The following EMC1 variants were observed in gnomAD, a reference collection of about 807,000 sequenced individuals.
EMC1 encodes KIAA0090.
In EMC1, 103 loss-of-function variants were observed where a neutral mutation model predicts 128.8. The ratio of observed to expected loss-of-function variants is 0.80; its 90% CI spans 0.68 to 0.94. The LOEUF is 0.94. EMC1 is among the 40% of genes least tolerant of loss of function. The pLI is 0.00. For missense variants in EMC1, 1,083 were observed against 1,250.6 expected (o/e 0.87, Z 2.02); for synonymous variants, 442 against 490.4 (o/e 0.90, Z 1.30).
At chr1:19,227,103 T>C (rs2093480778) in intron 18 of EMC1, among the ~76,000 whole-genome samples, 1 of 152,210 alleles carries the variant, frequency 6.6e-6, no homozygotes, top group Admixed American at 6.5e-5. Flanking sequence ...TGCTAGGCAC[T>C]GGGCTAGACA....
rs150389135 is a variant in EMC1, at chr1:19,232,621, C to T, written c.1782+3G>A. 33 of 1,613,990 alleles carry T rather than the reference C, an allele frequency of 2.0e-5. No individual in the cohort carries two copies. In the African/African-American group the frequency reaches 4.3e-4, roughly 21 times the overall value. On this transcript the variant is annotated splice_donor_region_variant and intron_variant, in intron 15 of 22. Transcript: ENST00000477853. ...TGGCTCAAGTCAGAGCTGGATGCCT[C>T]ACCTTGTCCTTCACCAGCAGGGTGC...
intron 1 of EMC1, among the ~76,000 whole-genome samples, chr1:19,246,476 A>T (rs1323401742): frequency 2.6e-5 from 4 of 152,096 alleles, no homozygotes; most frequent in Admixed American, 2.6e-4. Context: ...GGTGGGGGGA[A>T]CACTTATAAC....
At position 19,238,844 on chromosome 1, in the gene EMC1, CT is replaced by C; in HGVS notation, c.1039del (p.Ser347ValfsTer45). 6.2e-7 allele frequency: 1 copy of C among 1,606,386 alleles called. No individual in the cohort carries two copies. The highest frequency in any genetic ancestry group is 8.5e-7 in the Non-Finnish European group (1 of 1,173,260). On this transcript the variant is annotated frameshift_variant, in exon 10 of 23. Coordinates refer to ENST00000477853, the MANE Select transcript of EMC1 (RefSeq NM_015047.3). LOFTEE classifies it high-confidence loss of function. ...GCTCCCCATTGACCCATCTTCAGAACTGCTACTTTTCTGCTATGAGAAAGAG... is the reference window on the plus strand; with the variant it reads ...GCTCCCCATTGACCCATCTTCAGAACGCTACTTTTCTGCTATGAGAAAGAG... ...ACRNEVQKSS[S>X]SEDGSMGSFS...
At chr1:19,235,350 T>G in intron 12 of EMC1, 98 bp from the exon 13 acceptor site, 46 of 1,290,056 alleles carry the variant, frequency 3.6e-5, no homozygotes, top group Non-Finnish European at 4.3e-5. Flanking sequence ...GGTGAATCTC[T>G]TGAGCCCAGG....
At position 19,218,670 on chromosome 1, in the gene EMC1, T is replaced by G. The variant is rs1432073407; in HGVS notation, c.*633A>C. The G allele has an allele frequency of 6.6e-6, 1 of 152,322 alleles. No individual in the cohort carries two copies. The highest frequency in any genetic ancestry group is 1.5e-5 in the Non-Finnish European group (1 of 68,122). 9.4% of individuals were successfully genotyped at this position (152,322 alleles called of 1,614,324 possible). A position where few individuals can be genotyped will look rare whatever the true frequency, so the allele number is the denominator to read the frequency against. The stretch of plus-strand genomic sequence containing the variant: ...ACAAAGATTTGGTGGCCCAGCCTAA[T>G]AAATGACAGCACGAAACTAGAGGTT... On this transcript the variant is annotated 3_prime_UTR_variant, in exon 23 of 23. Transcript: ENST00000477853.
Position 19,219,194 on chromosome 1 carries a change from T to C in EMC1, c.*109A>G. 1 of 1,086,110 alleles carries C rather than the reference T, an allele frequency of 9.2e-7. No individual in the cohort carries two copies. Among genetic ancestry groups the C allele is most frequent in the East Asian group, 2.4e-5 (1 of 42,282 alleles). 67.3% of individuals were successfully genotyped at this position (1,086,110 alleles called of 1,614,324 possible). A position where few individuals can be genotyped will look rare whatever the true frequency, so the allele number is the denominator to read the frequency against. ...ATCCATCTTCCCTACAGTTCTTAGC[T>C]GAGCACTGACACACACACATACTCC... On this transcript the variant is annotated 3_prime_UTR_variant, in exon 23 of 23. Transcript: ENST00000477853.
At chr1:19,245,707 C>G (rs1443618885) in intron 1 of EMC1, among the ~76,000 whole-genome samples, 1 of 148,428 alleles carries the variant, frequency 6.7e-6, no homozygotes, top group Admixed American at 6.7e-5. Context: ...TCACTGCAAC[C>G]TCCACCTCCC....
At position 19,242,330 on chromosome 1, in the gene EMC1, A is replaced by G. The variant is rs778863632; in HGVS notation, c.509+15T>C. On this transcript the variant is annotated intron_variant, in intron 5 of 22. Coordinates refer to ENST00000477853, the MANE Select transcript of EMC1 (RefSeq NM_015047.3). ...TAGAACGAGGCAGCTATTGCCTGTGAGCAGGCAGCCTTACCTTTCTGGGAG... is the reference window on the plus strand; with the variant it reads ...TAGAACGAGGCAGCTATTGCCTGTGGGCAGGCAGCCTTACCTTTCTGGGAG... 6.2e-7 allele frequency: 1 copy of G among 1,613,594 alleles called. No individual in the cohort carries two copies. The highest frequency in any genetic ancestry group is 8.5e-7 in the Non-Finnish European group (1 of 1,179,504).
chr1:19,236,035 G>A (rs1447040249), intron 12 of EMC1, among the ~76,000 whole-genome samples: 2 of 151,754 alleles, frequency 1.3e-5, no homozygotes. Context: ...ATAGGTCAAA[G>A]GAGGAAAGTT....
chr1:19,247,321 A>G (rs1047552930), intron 1 of EMC1, among the ~76,000 whole-genome samples: 4 of 152,164 alleles, frequency 2.6e-5, no homozygotes, highest in Non-Finnish European at 5.9e-5. Flanking sequence ...TTTCAGGTGC[A>G]TGCCATTGTG....
At chr1:19,230,531 C>T (rs1239179445) in intron 17 of EMC1, among the ~76,000 whole-genome samples, 1 of 152,058 alleles carries the variant, frequency 6.6e-6, no homozygotes, top group Non-Finnish European at 1.5e-5. Flanking sequence ...GATCGCACCA[C>T]TGCACTCCAG....
chr1:19,230,072 G>A (rs920918198), intron 17 of EMC1, among the ~76,000 whole-genome samples: 8 of 152,302 alleles, frequency 5.3e-5, no homozygotes, highest in African/African-American at 2.4e-5. Flanking sequence ...CACAGCCAGC[G>A]TGTATTACTG....
intron 21 of EMC1, 75 bp downstream of exon 21, chr1:19,220,689 C>A: frequency 7.9e-7 from 1 of 1,259,096 alleles, no homozygotes; most frequent in Non-Finnish European, 1.1e-6. Context: ...CACACAGAGA[C>A]CAAGAACCAA....
rs376852884 is a variant in EMC1 at position 19,245,923 on chromosome 1, G to A, written c.96-893C>T. ...ATTACAGGCGTGAGTCACCACGCCC[G>A]ACTGAGATCACAGCACTTCTTAACA... On this transcript the variant is annotated intron_variant, in intron 1 of 22. Transcript: ENST00000477853. Among the ~76,000 whole-genome samples the A allele has an allele frequency of 4.0e-5, 6 of 151,654 alleles. No individual in the cohort carries two copies. In the East Asian group the frequency reaches 7.9e-4, roughly 20 times the overall value.
In EMC1 at chr1:19,247,169, T is replaced by A. The variant is rs114681811; in HGVS notation, c.96-2139A>T. Among the ~76,000 whole-genome samples the A allele has an allele frequency of 6.2e-4, 94 of 152,316 alleles. 1 individual carries two copies. Among genetic ancestry groups the A allele is most frequent in the African/African-American group, 2.2e-3 (90 of 41,574 alleles). On this transcript the variant is annotated intron_variant, in intron 1 of 22. Transcript: ENST00000477853. ...CCACCTAGTCTATGGTATTTCATTA[T>A]AGCAGCCTGAGAAAACTAATACAAC... is the stretch of plus-strand genomic sequence containing the variant.
In EMC1 at chr1:19,218,069, C is replaced by T. The variant is rs1263153710; in HGVS notation, c.*1234G>A. ...AGCCTCAAAATGATCTTCTAAGACA[C>T]AAAAGAGGACTTAAACAGTGTCATT... On this transcript the variant is annotated 3_prime_UTR_variant, in exon 23 of 23. Transcript: ENST00000477853. The T allele has an allele frequency of 6.6e-6, 1 of 152,206 alleles. No homozygotes were observed. The highest frequency in any genetic ancestry group is 6.5e-5 in the Admixed American group (1 of 15,284). The allele number at this position is 152,206 out of a possible 1,614,324, so 9.4% of individuals were successfully genotyped here.
rs1188820857 is a variant in EMC1, at chr1:19,245,776, C to A, written c.96-746G>T. ...AGTAGCTGGGATTACAGGCACCTGC[C>A]ACCACGCCCGGCTAATTTTTTTGTA... On this transcript the variant is annotated intron_variant, in intron 1 of 22. Transcript: ENST00000477853. 2.0e-5 allele frequency among the ~76,000 whole-genome samples: 3 copies of A among 151,706 alleles called. 1 individual carries two copies. In the South Asian group the frequency reaches 6.2e-4, roughly 32 times the overall value.
Position 19,216,921 on chromosome 1 carries a change from G to A in EMC1, c.*2382C>T, listed in dbSNP as rs1289345373. The stretch of plus-strand genomic sequence containing the variant: ...GCCCAGGCTGGTCTGGAACTCCTGG[G>A]CTCAAGAGATCCTCCACTATGGCCT... On this transcript the variant is annotated 3_prime_UTR_variant, in exon 23 of 23. Coordinates refer to ENST00000477853, the MANE Select transcript of EMC1 (RefSeq NM_015047.3). 1 of 152,124 alleles carries A rather than the reference G, an allele frequency of 6.6e-6. No individual in the cohort carries two copies. Among genetic ancestry groups the A allele is most frequent in the East Asian group, 1.9e-4 (1 of 5,174 alleles). The allele number at this position is 152,124 out of a possible 1,614,324, so 9.4% of individuals were successfully genotyped here. A position where few individuals can be genotyped will look rare whatever the true frequency, so the allele number is the denominator to read the frequency against.
chr1:19,236,399 G>A (rs1284191715), intron 12 of EMC1, among the ~76,000 whole-genome samples: 4 of 151,798 alleles, frequency 2.6e-5, no homozygotes, highest in African/African-American at 9.7e-5. Flanking sequence ...GCTCACACCT[G>A]TAATCCCAGC....
Sources: gnomAD v4.1 joint callset for allele counts (sites outside exome capture counted in the v4.1 genomes callset) on GRCh38, gnomAD v4.1.1 for gene constraint, MANE v1.5 for transcripts, NCBI Gene and HGNC (gene_info 2026-07-23, HGNC 2026-07-21) for gene names.